Variants in YEATS2 observed in about 807,000 individuals in gnomAD.
The protein encoded by YEATS2 is YEATS domain containing 2.
Under a neutral mutation model 163.2 loss-of-function variants are expected in YEATS2, and 77 were observed. The observed-to-expected ratio is 0.47, with a 90% CI of 0.39 to 0.57. The LOEUF is 0.57. Among genes scored for constraint, YEATS2 ranks in the 20% least tolerant of loss-of-function variants. The probability of loss-of-function intolerance (pLI) is 0.00; values close to 1 mark genes in which losing one functional copy is unlikely to be tolerated. For synonymous variants in YEATS2, 631 were observed against 645.1 expected (o/e 0.98, Z 0.33); for missense variants, 1,549 against 1,729.8 (o/e 0.90, Z 1.85).
intron 13 of YEATS2, among the ~76,000 whole-genome samples, chr3:183,759,622 A>G (rs891820526): frequency 3.3e-5 from 5 of 152,206 alleles, no homozygotes; most frequent in African/African-American, 9.7e-5. Context: ...TATCTTTTCT[A>G]TGTTTGCATC....
At chr3:183,806,118 T>TA (rs1726170827) in intron 27 of YEATS2, 7 of 364,216 alleles carry the variant, frequency 1.9e-5, no homozygotes, top group Admixed American at 7.5e-5. Context: ...CATCAGCACA[T>TA]ACCTTGACTT....
At chr3:183,717,904 G>GGA (rs1553858556) in intron 3 of YEATS2, among the ~76,000 whole-genome samples, 156 bp downstream of exon 3, 4 of 145,020 alleles carry the variant, frequency 2.8e-5, no homozygotes, top group African/African-American at 1.0e-4. Context: ...TTTGGGGAGA[G>GGA]AAAATGCTAT....
At chr3:183,718,119 C>T (rs1006318896) in intron 3 of YEATS2, among the ~76,000 whole-genome samples, 4 of 151,954 alleles carry the variant, frequency 2.6e-5, no homozygotes, top group African/African-American at 9.7e-5. Flanking sequence ...CCCATTTACC[C>T]GGATGTGATT....
At chr3:183,807,907 T>A in intron 28 of YEATS2, 123 bp from the exon 29 acceptor site, 1 of 683,772 alleles carries the variant, frequency 1.5e-6, no homozygotes, top group Non-Finnish European at 2.5e-6. Context: ...TTTTGCCCAA[T>A]ATGTTTGCAG....
At chr3:183,792,048 CAT>C (rs1230634313) in intron 21 of YEATS2, among the ~76,000 whole-genome samples, 1 of 152,176 alleles carries the variant, frequency 6.6e-6, no homozygotes, top group African/African-American at 2.4e-5. Flanking sequence ...CTGCCATTAT[CAT>C]GTGTGATCAT....
chr3:183,732,020 G>A (rs1282596870), intron 7 of YEATS2, among the ~76,000 whole-genome samples: 1 of 151,928 alleles, frequency 6.6e-6, no homozygotes, highest in African/African-American at 2.4e-5. Flanking sequence ...GAAATCATAT[G>A]CTGTGATCAA....
intron 1 of YEATS2, among the ~76,000 whole-genome samples, chr3:183,703,539 C>T (rs74285595): frequency 0.032 from 4,934 of 152,144 alleles, 197 homozygotes; most frequent in East Asian, 0.15. Context: ...ATGAGCATAA[C>T]TTTGGAAAGA....
intron 8 of YEATS2, among the ~76,000 whole-genome samples, chr3:183,745,814 G>A (rs996373286): frequency 7.2e-5 from 11 of 152,018 alleles, no homozygotes; most frequent in African/African-American, 1.4e-4. Flanking sequence ...TCCTTTTGTC[G>A]TAGTGTTTCT....
intron 1 of YEATS2, among the ~76,000 whole-genome samples, chr3:183,699,125 A>G (rs1577015053): frequency 6.6e-6 from 1 of 151,992 alleles, no homozygotes; most frequent in Admixed American, 6.6e-5. Context: ...TGGCAGGGAG[A>G]TGGGGAAGTA....
In YEATS2 at chr3:183,752,240, C is replaced by T. The variant is rs371569684; in HGVS notation, c.1137C>T (p.Thr379=). ...IKQSHEPVPD[T]SVEKGFPAST... ...AGTCACATGAGCCAGTACCCGATACCTCTGTGGAGAAAGGTAATACAGCAG... is the reference window on the plus strand; with the variant it reads ...AGTCACATGAGCCAGTACCCGATACTTCTGTGGAGAAAGGTAATACAGCAG... Residue 379 remains threonine, a synonymous_variant, in exon 10 of 31, where the codon ACC becomes ACT. Coordinates refer to ENST00000305135, the MANE Select transcript of YEATS2 (RefSeq NM_018023.5). 3 of 1,614,048 alleles carry T rather than the reference C, an allele frequency of 1.9e-6. No homozygotes were observed. The highest frequency in any genetic ancestry group is 1.3e-5 in the African/African-American group (1 of 74,908).
chr3:183,760,941 G>A (rs1161260699), intron 13 of YEATS2, among the ~76,000 whole-genome samples: 2 of 152,082 alleles, frequency 1.3e-5, no homozygotes, highest in Non-Finnish European at 2.9e-5. Flanking sequence ...AAATGTTAGG[G>A]GTAGTAAGTT....
rs1241613696 is a variant in YEATS2 at position 183,786,182 on chromosome 3, G to A, written c.2794G>A (p.Val932Met). 6.2e-7 allele frequency: 1 copy of A among 1,614,144 alleles called. No individual in the cohort carries two copies. Among genetic ancestry groups the A allele is most frequent in the East Asian group, 2.2e-5 (1 of 44,876 alleles). The change falls in exon 20 of 31, where the codon GTG becomes ATG. Residue 932 changes from valine to methionine, a missense_variant. Transcript: ENST00000305135. Reference sequence around the variant, plus strand: ...AATATCCGATAGCACCTTGAAGACTGTGCCAGCCACCTCACAGCTCTCGAA... The same window carrying A: ...AATATCCGATAGCACCTTGAAGACTATGCCAGCCACCTCACAGCTCTCGAA... ...MKISDSTLKTVPATSQLSKPG... is the reference protein window; with the variant it reads ...MKISDSTLKTMPATSQLSKPG...
At chr3:183,707,509 T>A (rs997909069) in intron 1 of YEATS2, among the ~76,000 whole-genome samples, 16 of 152,184 alleles carry the variant, frequency 1.1e-4, no homozygotes, top group African/African-American at 3.6e-4. Context: ...CTTATTCAGA[T>A]ATTTAATAAA....
At chr3:183,799,168 G>A (rs1051926107) in intron 23 of YEATS2, among the ~76,000 whole-genome samples, 179 bp downstream of exon 23, 1 of 152,220 alleles carries the variant, frequency 6.6e-6, no homozygotes, top group African/African-American at 2.4e-5. Flanking sequence ...TCATATGGTA[G>A]ACTTAACATT....
chr3:183,790,849 C>T lies in YEATS2; in HGVS notation c.2966C>T (p.Thr989Ile). 1.9e-6 allele frequency: 3 copies of T among 1,614,192 alleles called. No homozygotes were observed. The highest frequency in any genetic ancestry group is 2.5e-6 in the Non-Finnish European group (3 of 1,180,044). Residue 989 changes from threonine to isoleucine, a missense_variant, in exon 21 of 31, where the codon ACT becomes ATT. Physicochemically the swap from Thr to Ile is moderately conservative, Grantham distance 89 (BLOSUM62 -1). Coordinates refer to ENST00000305135, the MANE Select transcript of YEATS2 (RefSeq NM_018023.5). ...TCTACGGTCAGTTCTGTAACGAAAA[C>T]TTCTGGGCAGCAGCAAGTGTGTGTG... is the stretch of plus-strand genomic sequence containing the variant. ...SSSTVSSVTK[T>I]SGQQQVCVSQ...
chr3:183,728,784 C>G lies in YEATS2; in HGVS notation c.745C>G (p.His249Asp), dbSNP rs373781456. Residue 249 changes from histidine (H) to aspartate (D), a missense_variant, in exon 7 of 31, where the codon CAT becomes GAT. Physicochemically the swap from His to Asp is moderately conservative, Grantham distance 81. Transcript: ENST00000305135. ...RGSRREPSIN[H>D]FVKKVWFFLH... ...GTCCCGTAGAGAACCCAGCATTAAT[C>G]ATTTTGTCAAGAAGGTTTGGTTCTT... 1.8e-5 allele frequency: 29 copies of G among 1,613,988 alleles called. No individual in the cohort carries two copies. The highest frequency in any genetic ancestry group is 4.0e-5 in the African/African-American group (3 of 74,902).
intron 27 of YEATS2, chr3:183,806,209 T>G (rs1279370086): frequency 2.3e-6 from 1 of 426,956 alleles, no homozygotes. Flanking sequence ...TACGATGGGT[T>G]TTTCAGGATA....
At position 183,718,398 on chromosome 3, in the gene YEATS2, C is replaced by CT. The variant is rs796659952; in HGVS notation, c.199-92dup. On this transcript the variant is annotated intron_variant, in intron 3 of 30. Transcript: ENST00000305135. ...TCTTTTGATTGTTAGAGAAGTTGAG[C>CT]TTTTTTTTTTCACTCATTCACGTTT... 7.0e-3 allele frequency: 5,348 copies of CT among 768,498 alleles called. 2 individuals are homozygous for CT. The highest frequency in any genetic ancestry group is 9.0e-3 in the Middle Eastern group (26 of 2,890). The allele number at this position is 768,498 out of a possible 1,614,324, so 47.6% of individuals were successfully genotyped here.
intron 21 of YEATS2, among the ~76,000 whole-genome samples, chr3:183,791,475 A>G (rs1314225778): frequency 6.6e-6 from 1 of 152,216 alleles, no homozygotes; most frequent in Non-Finnish European, 1.5e-5. Flanking sequence ...CTGAGACTTT[A>G]AATTATCATT....
Sources: allele counts gnomAD v4.1 joint callset (sites outside exome capture counted in the v4.1 genomes callset), GRCh38; gene constraint gnomAD v4.1.1; transcripts MANE v1.5; gene names NCBI Gene and HGNC (gene_info 2026-07-23, HGNC 2026-07-21).